Variants in PDGFC observed in about 807,000 individuals in gnomAD.
PDGFC encodes the protein platelet derived growth factor C.
A neutral mutation model predicts 35.5 loss-of-function variants in PDGFC; 12 were observed. That is an observed-to-expected ratio of 0.34 (90% CI 0.22 to 0.55). The LOEUF (loss-of-function observed/expected upper bound fraction) is 0.55, where lower values mean the gene tolerates loss of function less well. Among genes scored for constraint, PDGFC ranks in the 20% least tolerant of loss-of-function variants. The pLI is 0.91. For missense variants in PDGFC, 322 were observed against 412.4 expected, an observed-to-expected ratio of 0.78 and a Z score of 1.90; for synonymous variants, 159 against 148.8, an observed-to-expected ratio of 1.07 and a Z score of -0.50.
intron 2 of PDGFC, among the ~76,000 whole-genome samples, chr4:156,828,658 G>A (rs1391500403): frequency 6.6e-6 from 1 of 151,914 alleles, no homozygotes; most frequent in African/African-American, 2.4e-5. Flanking sequence ...ATATATAATT[G>A]TATTCTGGAA....
chr4:156,796,516 T>A (rs906224863), intron 3 of PDGFC, among the ~76,000 whole-genome samples: 7 of 135,848 alleles, frequency 5.2e-5, no homozygotes, highest in East Asian at 4.2e-4. Flanking sequence ...TTTTTTTTTT[T>A]ACAAAAGGTG....
At chr4:156,820,202 A>G (rs1293806829) in intron 2 of PDGFC, among the ~76,000 whole-genome samples, 1 of 152,222 alleles carries the variant, frequency 6.6e-6, no homozygotes, top group East Asian at 1.9e-4. Context: ...GATTTATAAT[A>G]TTCCATAAAC....
intron 1 of PDGFC, among the ~76,000 whole-genome samples, chr4:156,906,605 A>G (rs570248192): frequency 6.6e-6 from 1 of 152,276 alleles, no homozygotes; most frequent in African/African-American, 2.4e-5. Flanking sequence ...TTTAAAAAAG[A>G]TTTATGATGT....
At chr4:156,874,733 T>A (rs1045794178) in intron 1 of PDGFC, among the ~76,000 whole-genome samples, 3 of 151,996 alleles carry the variant, frequency 2.0e-5, no homozygotes, top group South Asian at 2.1e-4. Flanking sequence ...TTTTTTTTTT[T>A]AAATACAGGG....
chr4:156,783,643 A>C (rs183318481), intron 3 of PDGFC, among the ~76,000 whole-genome samples: 1 of 152,234 alleles, frequency 6.6e-6, no homozygotes, highest in Non-Finnish European at 1.5e-5. Flanking sequence ...CATTCTGTTC[A>C]TATGTCTAGC....
At chr4:156,817,765 A>G (rs1732132966) in intron 2 of PDGFC, among the ~76,000 whole-genome samples, 1 of 152,090 alleles carries the variant, frequency 6.6e-6, no homozygotes, top group South Asian at 2.1e-4. Context: ...AAATTTTAAA[A>G]TGCTAGGCTA....
chr4:156,825,254 C>T (rs1455975038), intron 2 of PDGFC, among the ~76,000 whole-genome samples: 1 of 151,676 alleles, frequency 6.6e-6, no homozygotes, highest in Non-Finnish European at 1.5e-5. Context: ...ACTTAAAGGG[C>T]ATAAAAATTT....
intron 5 of PDGFC, among the ~76,000 whole-genome samples, 157 bp from the exon 6 acceptor site, chr4:156,763,363 C>CAA (rs33986749): frequency 0.017 from 1,624 of 97,096 alleles, 17 homozygotes; most frequent in South Asian, 0.04. Flanking sequence ...ACTCTCCCAC[C>CAA]AAAAAAAAAA....
At chr4:156,943,209 C>T (rs75622144) in intron 1 of PDGFC, among the ~76,000 whole-genome samples, 2,344 of 152,094 alleles carry the variant, frequency 0.015, 22 homozygotes, top group Admixed American at 0.024. Flanking sequence ...TCAGAAATGA[C>T]GCAAATACAG....
At chr4:156,845,936 A>G (rs1290281366) in intron 2 of PDGFC, among the ~76,000 whole-genome samples, 2 of 151,840 alleles carry the variant, frequency 1.3e-5, no homozygotes, top group African/African-American at 2.4e-5. Flanking sequence ...GAGGAAACAG[A>G]AAAGCAAAGC....
intron 2 of PDGFC, among the ~76,000 whole-genome samples, chr4:156,811,515 G>A (rs772767208): frequency 6.6e-6 from 1 of 151,968 alleles, no homozygotes; most frequent in Non-Finnish European, 1.5e-5. Flanking sequence ...ACTTGGTACT[G>A]TTCTTCCTTT....
At chr4:156,890,382 A>G (rs1005294835) in intron 1 of PDGFC, among the ~76,000 whole-genome samples, 1 of 152,140 alleles carries the variant, frequency 6.6e-6, no homozygotes, top group Non-Finnish European at 1.5e-5. Context: ...AGCTGAGTCA[A>G]ATTACTGTGT....
chr4:156,924,537 C>A (rs2110853479), intron 1 of PDGFC, among the ~76,000 whole-genome samples: 1 of 152,234 alleles, frequency 6.6e-6, no homozygotes, highest in East Asian at 1.9e-4. Flanking sequence ...TTAGGGGTCA[C>A]AGAAGGTGTC....
chr4:156,892,038 C>T (rs192715391), intron 1 of PDGFC, among the ~76,000 whole-genome samples: 42 of 152,290 alleles, frequency 2.8e-4, no homozygotes, highest in Non-Finnish European at 5.9e-4. Flanking sequence ...GAGCCACAGG[C>T]TTCAGGTCAA....
At chr4:156,934,319 G>A (rs570026107) in intron 1 of PDGFC, among the ~76,000 whole-genome samples, 208 of 152,114 alleles carry the variant, frequency 1.4e-3, no homozygotes, top group African/African-American at 4.7e-3. Context: ...GTAATACAAC[G>A]GTAAGTATTA....
At chr4:156,835,901 A>T (rs926504446) in intron 2 of PDGFC, 2 of 152,200 alleles carry the variant, frequency 1.3e-5, no homozygotes, top group Non-Finnish European at 2.9e-5. Flanking sequence ...TGAAAAATGC[A>T]TTCAGGATTT....
chr4:156,799,570 T>C (rs934325735), intron 3 of PDGFC, among the ~76,000 whole-genome samples: 6 of 152,208 alleles, frequency 3.9e-5, no homozygotes, highest in East Asian at 3.8e-4. Context: ...AGACAGCCTA[T>C]TCACTAGAAA....
At chr4:156,886,261 G>A (rs898620792) in intron 1 of PDGFC, among the ~76,000 whole-genome samples, 3 of 152,068 alleles carry the variant, frequency 2.0e-5, no homozygotes, top group African/African-American at 2.4e-5. Flanking sequence ...CAATTTTTTA[G>A]AGACTTCAGT....
intron 1 of PDGFC, among the ~76,000 whole-genome samples, chr4:156,859,344 G>A (rs1371196256): frequency 6.6e-6 from 1 of 152,010 alleles, no homozygotes; most frequent in African/African-American, 2.4e-5. Flanking sequence ...AATGCTAATT[G>A]AGGGCAAGAA....
Sources: gnomAD v4.1 joint callset for allele counts (sites outside exome capture counted in the v4.1 genomes callset) on GRCh38, gnomAD v4.1.1 for gene constraint, MANE v1.5 for transcripts, NCBI Gene and HGNC (gene_info 2026-07-23, HGNC 2026-07-21) for gene names.